DSC1: variants seen among roughly 807,000 people sequenced by gnomAD.
The protein encoded by DSC1 is desmocollin-1.
DSC1 carries 79 observed loss-of-function variants against 98.8 expected under a neutral mutation model. The observed-to-expected ratio is 0.80, with a 90% CI of 0.67 to 0.96. The LOEUF is 0.96. DSC1 is among the 50% of genes least tolerant of loss of function. The pLI is 0.00. For missense variants in DSC1, 1,115 were observed against 1,075.9 expected (o/e 1.04, Z -0.51); for synonymous variants, 405 against 372.1 (o/e 1.09, Z -1.02).
rs1989235930 is a variant in DSC1 at position 31,162,806 on chromosome 18, C to T, written c.-212G>A. On this transcript the variant is annotated 5_prime_UTR_variant, in exon 1 of 16. Coordinates refer to ENST00000257198, the MANE Select transcript of DSC1 (RefSeq NM_024421.2). ...TTTCCCCCTATTCCCTGGCCAGTCT[C>T]CTTCCTTCCAGTTCAATTACGTCTA... is the stretch of plus-strand genomic sequence containing the variant. 1.8e-6 allele frequency: 1 copy of T among 549,458 alleles called. No individual in the cohort carries two copies. The highest frequency in any genetic ancestry group is 3.3e-6 in the Non-Finnish European group (1 of 307,202). The allele number at this position is 549,458 out of a possible 1,614,324, so 34.0% of individuals were successfully genotyped here. A position where few individuals can be genotyped will look rare whatever the true frequency, so the allele number is the denominator to read the frequency against.
At chr18:31,146,122 G>T (rs1056658538) in intron 6 of DSC1, among the ~76,000 whole-genome samples, 1 of 152,252 alleles carries the variant, frequency 6.6e-6, no homozygotes, top group Middle Eastern at 3.4e-3. Context: ...GGGTACACAT[G>T]CGGGTTTGTT....
chr18:31,131,983 T>C, intron 14 of DSC1, 141 bp from the exon 15 acceptor site: 1 of 989,738 alleles, frequency 1.0e-6, no homozygotes, highest in East Asian at 2.6e-5. Context: ...AATAGTATCA[T>C]AGGTGTGATG....
intron 7 of DSC1, among the ~76,000 whole-genome samples, chr18:31,144,930 CT>C (rs1170980389): frequency 3.2e-5 from 4 of 124,714 alleles, no homozygotes; most frequent in Admixed American, 8.9e-5. Flanking sequence ...TCTGTATTTT[CT>C]TTTTCTTTCT....
At chr18:31,148,919 A>C (rs555822346) in intron 5 of DSC1, among the ~76,000 whole-genome samples, 1 of 152,294 alleles carries the variant, frequency 6.6e-6, no homozygotes, top group African/African-American at 2.4e-5. Context: ...TTTACTTGTT[A>C]GAATGCATGT....
Position 31,157,397 on chromosome 18 carries a change from C to G in DSC1, c.325G>C (p.Val109Leu). Reference protein sequence around the residue: ...GQRREQQEIKVVLSARENKSP... With the variant: ...GQRREQQEIKLVLSARENKSP... ...TTGTTTTCTCTTGCTGACAGTACAA[C>G]TTTTATCTCTTGTTGTTCCCGTCTC... The change falls in exon 3 of 16, where the codon GTT (valine) becomes CTT (leucine). Residue 109 changes from valine to leucine, a missense_variant. By Grantham distance (32) the Val-to-Leu change is conservative (BLOSUM62 1). Coordinates refer to ENST00000257198, the MANE Select transcript of DSC1 (RefSeq NM_024421.2). 6.2e-7 allele frequency: 1 copy of G among 1,614,156 alleles called. No individual in the cohort carries two copies. Among genetic ancestry groups the G allele is most frequent in the Admixed American group, 1.7e-5 (1 of 60,030 alleles).
At chr18:31,161,522 T>A (rs917674071) in intron 1 of DSC1, among the ~76,000 whole-genome samples, 4 of 152,182 alleles carry the variant, frequency 2.6e-5, no homozygotes, top group African/African-American at 9.7e-5. Context: ...CATTAAATAC[T>A]ATTCCCGTCT....
At chr18:31,143,014 C>T (rs1291641584) in intron 8 of DSC1, among the ~76,000 whole-genome samples, 1 of 151,656 alleles carries the variant, frequency 6.6e-6, no homozygotes, top group African/African-American at 2.4e-5. Flanking sequence ...TTGACTTGTG[C>T]TCTGGAATAA....
chr18:31,154,737 A>G, intron 5 of DSC1, 37 bp downstream of exon 5: 1 of 1,507,644 alleles, frequency 6.6e-7, no homozygotes, highest in Non-Finnish European at 8.9e-7. Flanking sequence ...GCCAGTAATA[A>G]AGATATAATT....
At chr18:31,162,015 T>C (rs1217964734) in intron 1 of DSC1, among the ~76,000 whole-genome samples, 1 of 152,196 alleles carries the variant, frequency 6.6e-6, no homozygotes, top group Non-Finnish European at 1.5e-5. Context: ...AAGTTGAGGA[T>C]ATTTTCAATG....
intron 5 of DSC1, among the ~76,000 whole-genome samples, chr18:31,153,766 A>T (rs1359295668): frequency 6.6e-6 from 1 of 152,040 alleles, no homozygotes; most frequent in Non-Finnish European, 1.5e-5. Context: ...GTTGTTGTTG[A>T]TTTCTTTTTA....
At chr18:31,133,337 C>T (rs897167682) in intron 13 of DSC1, among the ~76,000 whole-genome samples, 1 of 152,092 alleles carries the variant, frequency 6.6e-6, no homozygotes, top group African/African-American at 2.4e-5. Context: ...CTCCAAATAA[C>T]AGTTTGCACA....
At position 31,142,177 on chromosome 18, in the gene DSC1, G is replaced by C. The variant is rs1396791328; in HGVS notation, c.1082C>G (p.Thr361Arg). 6.2e-7 allele frequency: 1 copy of C among 1,608,686 alleles called. No individual in the cohort carries two copies. Among genetic ancestry groups the C allele is most frequent in the South Asian group, 1.1e-5 (1 of 89,684 alleles). ...PPSFTETSYV[T>R]EVEENRIDVE... ...GTCAATTCTGTTTTCTTCTACTTCT[G>C]TAACATACTGAAAGAATTGCCCCTT... is the stretch of plus-strand genomic sequence containing the variant. Residue 361 changes from threonine to arginine, a missense_variant, in exon 9 of 16, where the codon ACA becomes AGA. Coordinates refer to ENST00000257198, the MANE Select transcript of DSC1 (RefSeq NM_024421.2).
Position 31,130,648 on chromosome 18 carries a change from T to C in DSC1, c.2551A>G (p.Asn851Asp), listed in dbSNP as rs1006469113. The change falls in exon 16 of 16, where the codon AAC becomes GAC. Residue 851 changes from asparagine to aspartate, a missense_variant. Physicochemically the swap from Asn to Asp is conservative, Grantham distance 23. Transcript: ENST00000257198. ...GCCAGAGAACCTTTGCCTTCATAGT[T>C]ATACGAACAAACGTAGTCTTCACAA... ...KHCEDYVCSY[N>D]YEGKGSLAGS... 2.5e-6 allele frequency: 4 copies of C among 1,614,182 alleles called. No homozygotes were observed. In the Admixed American group the frequency reaches 6.7e-5, roughly 27 times the overall value.
Position 31,145,615 on chromosome 18 carries a change from C to T in DSC1, c.935G>A (p.Arg312Lys). The change falls in exon 7 of 16, where the codon AGA becomes AAA. Residue 312 changes from arginine to lysine, a missense_variant. Coordinates refer to ENST00000257198, the MANE Select transcript of DSC1 (RefSeq NM_024421.2). The stretch of plus-strand genomic sequence containing the variant: ...TAGTTAATTAATCATCATTACTTCT[C>T]TATCCAGAAAAGGTGTAGTTGTGGT... Reference protein sequence around the residue: ...VITTTTPFLDREKCDTYQLIM... With the variant: ...VITTTTPFLDKEKCDTYQLIM... The T allele has an allele frequency of 6.2e-7, 1 of 1,613,982 alleles. No individual in the cohort carries two copies. The highest frequency in any genetic ancestry group is 8.5e-7 in the Non-Finnish European group (1 of 1,179,926).
At chr18:31,147,911 T>C (rs1159638139) in intron 6 of DSC1, among the ~76,000 whole-genome samples, 3 of 152,170 alleles carry the variant, frequency 2.0e-5, no homozygotes, top group Non-Finnish European at 4.4e-5. Context: ...AGTTGAATTT[T>C]TCCTACATTT....
intron 15 of DSC1, 198 bp from the exon 16 acceptor site, chr18:31,130,909 C>T: frequency 1.4e-6 from 2 of 1,412,348 alleles, no homozygotes; most frequent in South Asian, 1.4e-5. Flanking sequence ...TAAATAAATG[C>T]TTCTAGTGAG....
Position 31,134,769 on chromosome 18 carries a change from G to A in DSC1, c.1679C>T (p.Thr560Ile), listed in dbSNP as rs911378952. Residue 560 changes from threonine (T) to isoleucine (I), a missense_variant, in exon 12 of 16, where the codon ACT becomes ATT. Transcript: ENST00000257198. ...VAVDAVGRSCTGTLVVHLDDY... is the reference protein window; with the variant it reads ...VAVDAVGRSCIGTLVVHLDDY... ...ATCCAAATGAACTACTAATGTTCCA[G>A]TGCAAGATCGGCCAACTAAGATTAA... 1 of 1,609,212 alleles carries A rather than the reference G, an allele frequency of 6.2e-7. No homozygotes were observed. Among genetic ancestry groups the A allele is most frequent in the Non-Finnish European group, 8.5e-7 (1 of 1,176,256 alleles).
Position 31,157,570 on chromosome 18 carries a change from T to A in DSC1, c.152A>T (p.Asn51Ile). Reference protein sequence around the residue: ...LQAETLVGKVNLEECLKSASL... With the variant: ...LQAETLVGKVILEECLKSASL... ...GGCCGACTTGAGACACTCCTCCAGA[T>A]TCACTGCAGGGAAGAAATATCACAG... Residue 51 changes from asparagine to isoleucine, a missense_variant, in exon 3 of 16, where the codon AAT becomes ATT. Transcript: ENST00000257198. The A allele has an allele frequency of 6.2e-7, 1 of 1,614,118 alleles. No individual in the cohort carries two copies. The highest frequency in any genetic ancestry group is 8.5e-7 in the Non-Finnish European group (1 of 1,179,984).
Position 31,134,671 on chromosome 18 carries a change from GA to G in DSC1, c.1776del (p.Leu593Ter). Reference protein sequence around the residue: ...TICQNNEDFAVLKPVDPDGPE... With the variant: ...TICQNNEDFAXLKPVDPDGPE... ...GGTCCATCTGGATCTACAGGTTTCA[GA>G]ACAGCAAAATCCTCATTATTCTGAC... On this transcript the variant is annotated frameshift_variant, in exon 12 of 16. Coordinates refer to ENST00000257198, the MANE Select transcript of DSC1 (RefSeq NM_024421.2). LOFTEE classifies it high-confidence loss of function. 1 of 1,613,094 alleles carries G rather than the reference GA, an allele frequency of 6.2e-7. No individual in the cohort carries two copies. Among genetic ancestry groups the G allele is most frequent in the African/African-American group, 1.3e-5 (1 of 74,968 alleles).
Sources: gnomAD v4.1 joint callset for allele counts (sites outside exome capture counted in the v4.1 genomes callset) on GRCh38, gnomAD v4.1.1 for gene constraint, MANE v1.5 for transcripts, NCBI Gene and HGNC (gene_info 2026-07-23, HGNC 2026-07-21) for gene names.